Variants in GPR137 observed in about 807,000 individuals in gnomAD.
The protein encoded by GPR137 is G protein-coupled receptor 137.
GPR137 carries 20 observed loss-of-function variants against 38.9 expected under a neutral mutation model. The ratio of observed to expected loss-of-function variants is 0.51; its 90% confidence interval spans 0.36 to 0.75. The LOEUF (loss-of-function observed/expected upper bound fraction) is 0.75, where lower values mean the gene tolerates loss of function less well. Ranked by LOEUF, GPR137 falls within the 30% of genes least tolerant of loss-of-function variation. GPR137 has a pLI of 0.00. For missense variants in GPR137, 456 were observed against 526.4 expected (o/e 0.87, Z 1.31); for synonymous variants, 226 against 235.8 (o/e 0.96, Z 0.38).
upstream of GPR137, chr11:64,284,676 TC>T (rs930706458): frequency 7.8e-6 from 12 of 1,535,250 alleles, no homozygotes; most frequent in Admixed American, 2.0e-5. Flanking sequence ...GCCGCCTCCC[TC>T]CAGCACCCCG....
At chr11:64,271,431 G>C (rs1039004184), upstream of GPR137, among the ~76,000 whole-genome samples, 1 of 149,972 alleles carries the variant, frequency 6.7e-6, no homozygotes, top group Admixed American at 6.6e-5. Context: ...GCTGGGGAGT[G>C]GGGGCGGGGA....
In GPR137 at chr11:64,288,096, G is replaced by T; in HGVS notation, c.665G>T (p.Gly222Val). Residue 222 changes from glycine to valine, a missense_variant, in exon 4 of 7, where the codon GGT becomes GTT. Gly to Val is a moderately radical substitution (Grantham distance 109, BLOSUM62 -3). Coordinates refer to ENST00000438980, the MANE Select transcript of GPR137 (RefSeq NM_001170880.2). This position sits in a 1 kb window ranked among gnomAD's most constrained non-coding sequence, Gnocchi z 5.5. Reference sequence around the variant, plus strand: ...AGTGTGTGCCAGGCGGCCGCGATGGGTGGCGCCATGGTCCTGCTCTATGCC... The same window carrying T: ...AGTGTGTGCCAGGCGGCCGCGATGGTTGGCGCCATGGTCCTGCTCTATGCC... ...GTSVCQAAAM[G>V]GAMVLLYASR... is the part of the protein sequence containing the mutation. 6.2e-7 allele frequency: 1 copy of T among 1,611,938 alleles called. No individual in the cohort carries two copies. Among genetic ancestry groups the T allele is most frequent in the Non-Finnish European group, 8.5e-7 (1 of 1,179,962 alleles).
chr11:64,274,992 CAA>C (rs34418386), upstream of GPR137, among the ~76,000 whole-genome samples: 59 of 54,392 alleles, frequency 1.1e-3, no homozygotes, highest in Admixed American at 2.5e-3. Context: ...GACTTTGTCT[CAA>C]AAAAAAAAAA....
At chr11:64,280,064 TC>T (rs1388744886), upstream of GPR137, among the ~76,000 whole-genome samples, 1 of 151,742 alleles carries the variant, frequency 6.6e-6, no homozygotes, top group Non-Finnish European at 1.5e-5. Context: ...ACGCCTGTAA[TC>T]CCAGCACTTT....
intron 2 of GPR137, among the ~76,000 whole-genome samples, chr11:64,279,294 G>T (rs1292235531): frequency 1.3e-5 from 2 of 152,116 alleles, no homozygotes; most frequent in Non-Finnish European, 2.9e-5. Flanking sequence ...GCTTCCCAGG[G>T]CTTGCTCCCT....
upstream of GPR137, chr11:64,285,444 C>G (rs1204733406): frequency 7.1e-6 from 7 of 983,580 alleles, no homozygotes; most frequent in Non-Finnish European, 8.4e-6. Flanking sequence ...CGGGGCTCCG[C>G]GGGTTCAGGC....
chr11:64,287,157 C>G, intron 2 of GPR137, 143 bp downstream of exon 2: 1 of 1,467,884 alleles, frequency 6.8e-7, no homozygotes, highest in Non-Finnish European at 9.0e-7. Flanking sequence ...GTTAAAGCAC[C>G]TGGCGCAGAT....
upstream of GPR137, chr11:64,271,825 G>C (rs780752598): frequency 6.0e-5 from 82 of 1,371,500 alleles, no homozygotes; most frequent in Non-Finnish European, 7.3e-5. Context: ...CAGTGGGTAG[G>C]GGGGCGACGT....
chr11:64,270,731 G>A, upstream of GPR137: 1 of 480,882 alleles, frequency 2.1e-6, no homozygotes. Context: ...GGAGTTCCAG[G>A]CTGCAGTGAG....
At chr11:64,272,695 G>A (rs1255428325), upstream of GPR137, 1 of 152,278 alleles carries the variant, frequency 6.6e-6, no homozygotes, top group Non-Finnish European at 1.5e-5. Flanking sequence ...TGAGAAGACA[G>A]AAGCTTAGAG....
chr11:64,288,822 C>T lies in GPR137; in HGVS notation c.1031+101C>T, dbSNP rs1377953241. 113 of 1,450,022 alleles carry T rather than the reference C, an allele frequency of 7.8e-5. No homozygotes were observed. The highest frequency in any genetic ancestry group is 9.8e-5 in the Non-Finnish European group (108 of 1,106,402). 89.8% of individuals were successfully genotyped at this position (1,450,022 alleles called of 1,614,324 possible). A position where few individuals can be genotyped will look rare whatever the true frequency, so the allele number is the denominator to read the frequency against. ...CGAGATAGCCGGGTCTTGCCTTCCA[C>T]CCCTGCCATGGCCTTTGCTTCCCCA... On this transcript the variant is annotated intron_variant, in intron 6 of 6. Coordinates refer to ENST00000438980, the MANE Select transcript of GPR137 (RefSeq NM_001170880.2). The surrounding 1 kb of genome is among the most constrained non-coding windows in gnomAD (Gnocchi z 5.5).
chr11:64,271,087 A>G (rs11231733), upstream of GPR137, among the ~76,000 whole-genome samples: 235 of 328 alleles, frequency 0.72, 106 homozygotes, highest in African/African-American at 0.87. Context: ...ACACACACAC[A>G]CCTGGAGTGG....
chr11:64,274,035 G>A (rs2032849454), upstream of GPR137, among the ~76,000 whole-genome samples: 1 of 152,178 alleles, frequency 6.6e-6, no homozygotes, highest in African/African-American at 2.4e-5. Context: ...GACCTGGCCT[G>A]TGGGCCAGTG....
At chr11:64,284,965 T>A (rs1201736782), upstream of GPR137, 5 of 1,386,334 alleles carry the variant, frequency 3.6e-6, no homozygotes, top group Non-Finnish European at 4.7e-6. Context: ...TGCCAACAAG[T>A]CCTTCAGCCC....
chr11:64,285,151 GGGTGCCCGGTC>G, upstream of GPR137: 1 of 994,248 alleles, frequency 1.0e-6, no homozygotes, highest in Non-Finnish European at 1.2e-6. Flanking sequence ...CGCCTGGACT[GGGTGCCCGGTC>G]GGAAAGTCCC....
upstream of GPR137, chr11:64,285,286 G>C: frequency 3.0e-6 from 3 of 985,906 alleles, no homozygotes; most frequent in Non-Finnish European, 3.6e-6. Flanking sequence ...TCCCTGGCTG[G>C]GATGGCTGCC....
chr11:64,287,634 C>T (rs1347819091), intron 2 of GPR137, 87 bp from the exon 3 acceptor site: 4 of 1,576,640 alleles, frequency 2.5e-6, no homozygotes, highest in East Asian at 2.2e-5. Flanking sequence ...TGAGTTTTGT[C>T]GACATTGGGG....
upstream of GPR137, chr11:64,285,375 G>A (rs1449191987): frequency 1.2e-5 from 12 of 984,910 alleles, no homozygotes; most frequent in African/African-American, 5.2e-5. Context: ...GCAGGCGGCC[G>A]GCCAGGTGAG....
chr11:64,274,763 G>A (rs1373645329), upstream of GPR137, among the ~76,000 whole-genome samples: 1 of 151,976 alleles, frequency 6.6e-6, no homozygotes, highest in East Asian at 1.9e-4. Context: ...AGAGGTTGCA[G>A]TGAGCCGAGA....
Sources: allele counts gnomAD v4.1 joint callset (sites outside exome capture counted in the v4.1 genomes callset), GRCh38; gene constraint gnomAD v4.1.1; non-coding constraint Gnocchi (gnomAD v3.1); transcripts MANE v1.5; gene names NCBI Gene and HGNC (gene_info 2026-07-23, HGNC 2026-07-21).